Variants in RAPGEF1 observed in about 807,000 individuals in gnomAD.
RAPGEF1 encodes CRK SH3-binding GNRP.
In RAPGEF1, 33 loss-of-function variants were observed where a neutral mutation model predicts 143.3. The ratio of observed to expected loss-of-function variants is 0.23; its 90% CI spans 0.17 to 0.31. The LOEUF is 0.31. Ranked by LOEUF, RAPGEF1 falls within the 10% of genes least tolerant of loss-of-function variation. The pLI, the probability that RAPGEF1 is intolerant of heterozygous loss-of-function variation, is 1.00. For missense variants in RAPGEF1, 1,199 were observed against 1,645.4 expected, an observed-to-expected ratio of 0.73 and a Z score of 4.69; for synonymous variants, 629 against 676.5, an observed-to-expected ratio of 0.93 and a Z score of 1.09.
chr9:131,690,097 T>C (rs2131008346), intron 1 of RAPGEF1, among the ~76,000 whole-genome samples: 1 of 152,294 alleles, frequency 6.6e-6, no homozygotes, highest in African/African-American at 2.4e-5. Flanking sequence ...AGTGCTGATA[T>C]AAAACAGTTT....
chr9:131,596,089 G>A (rs1336745033), intron 17 of RAPGEF1, among the ~76,000 whole-genome samples: 2 of 152,184 alleles, frequency 1.3e-5, no homozygotes, highest in Admixed American at 6.5e-5. Context: ...TTGTACCAGC[G>A]GAGGACAGAT....
In RAPGEF1 at chr9:131,577,629, G is replaced by C. The variant is rs1951352714; in HGVS notation, c.*1868C>G. 6.6e-6 allele frequency: 1 copy of C among 152,292 alleles called. No homozygotes were observed. Among genetic ancestry groups the C allele is most frequent in the Non-Finnish European group, 1.5e-5 (1 of 68,082 alleles). 9.4% of individuals were successfully genotyped at this position (152,292 alleles called of 1,614,324 possible). A position where few individuals can be genotyped will look rare whatever the true frequency, so the allele number is the denominator to read the frequency against. ...CGCACAGCAGCATTCAACAGAGCTG[G>C]GCAAGGGAAGGGGAGAGAGAGTCAA... is the stretch of plus-strand genomic sequence containing the variant. On this transcript the variant is annotated 3_prime_UTR_variant, in exon 27 of 27. Transcript: ENST00000683357.
At chr9:131,730,694 T>C (rs1172867089) in intron 1 of RAPGEF1, among the ~76,000 whole-genome samples, 3 of 13,550 alleles carry the variant, frequency 2.2e-4, no homozygotes, top group Non-Finnish European at 4.0e-4. Context: ...TGAGACTCCA[T>C]CTCAAAAAAA....
At chr9:131,603,252 T>C (rs1027104435) in intron 14 of RAPGEF1, among the ~76,000 whole-genome samples, 1 of 152,220 alleles carries the variant, frequency 6.6e-6, no homozygotes, top group Non-Finnish European at 1.5e-5. Flanking sequence ...CCAGCCCTCA[T>C]GGGCCTCCCT....
At chr9:131,615,557 C>T (rs1369047643) in intron 12 of RAPGEF1, among the ~76,000 whole-genome samples, 1 of 152,164 alleles carries the variant, frequency 6.6e-6, no homozygotes, top group Non-Finnish European at 1.5e-5. Context: ...CAGTCGAGTC[C>T]AGGCCCGGCA....
intron 1 of RAPGEF1, among the ~76,000 whole-genome samples, chr9:131,739,172 A>C (rs759211238): frequency 6.6e-5 from 10 of 152,178 alleles, no homozygotes; most frequent in Non-Finnish European, 1.2e-4. Flanking sequence ...CGAGGTCTGC[A>C]TCAAGATTTA....
chr9:131,650,065 C>G lies in RAPGEF1; in HGVS notation c.315+64G>C. 1 of 1,361,226 alleles carries G rather than the reference C, an allele frequency of 7.3e-7. No homozygotes were observed. The highest frequency in any genetic ancestry group is 1.0e-6 in the Non-Finnish European group (1 of 976,666). 84.3% of individuals were successfully genotyped at this position (1,361,226 alleles called of 1,614,324 possible). A position where few individuals can be genotyped will look rare whatever the true frequency, so the allele number is the denominator to read the frequency against. ...AATAGAGTTTTTTCCATCCCCAAAA[C>G]CATGGACCAGGATTCTGCAGTAGAA... On this transcript the variant is annotated intron_variant, in intron 3 of 26. Transcript: ENST00000683357. This position sits in a 1 kb window ranked among gnomAD's most constrained non-coding sequence, Gnocchi z 4.7.
chr9:131,660,552 C>T (rs953612430), intron 1 of RAPGEF1, among the ~76,000 whole-genome samples: 1 of 152,078 alleles, frequency 6.6e-6, no homozygotes, highest in Non-Finnish European at 1.5e-5. Context: ...TGCAGTCAGG[C>T]CCCCGAATGA....
chr9:131,617,570 A>G (rs1001296115), intron 12 of RAPGEF1, among the ~76,000 whole-genome samples: 23 of 152,224 alleles, frequency 1.5e-4, no homozygotes, highest in African/African-American at 5.1e-4. Flanking sequence ...CAGAGGGGGA[A>G]AAAAGGCCAA....
chr9:131,580,135 A>G (rs895477624), intron 26 of RAPGEF1, 128 bp downstream of exon 26: 8 of 1,264,542 alleles, frequency 6.3e-6, no homozygotes, highest in Non-Finnish European at 8.7e-6. Context: ...GGCCCGGACT[A>G]TATCTCAGCA....
At chr9:131,603,048 C>T (rs753151547) in intron 14 of RAPGEF1, among the ~76,000 whole-genome samples, 1 of 152,234 alleles carries the variant, frequency 6.6e-6, no homozygotes, top group African/African-American at 2.4e-5. Context: ...GGAGACAGCT[C>T]CCATGGACTG....
At chr9:131,682,525 G>A (rs1328786218) in intron 1 of RAPGEF1, among the ~76,000 whole-genome samples, 2 of 152,198 alleles carry the variant, frequency 1.3e-5, no homozygotes, top group Non-Finnish European at 2.9e-5. Flanking sequence ...GGAAGGTCTA[G>A]TTTTAAGTTT....
At chr9:131,581,186 G>C (rs764419531) in intron 25 of RAPGEF1, among the ~76,000 whole-genome samples, 4 of 148,550 alleles carry the variant, frequency 2.7e-5, no homozygotes, top group Non-Finnish European at 6.0e-5. Context: ...AAAAAAAAAA[G>C]AGTTTGAAAC....
intron 1 of RAPGEF1, among the ~76,000 whole-genome samples, chr9:131,687,854 C>T (rs1386916710): frequency 6.6e-6 from 1 of 152,214 alleles, no homozygotes; most frequent in Non-Finnish European, 1.5e-5. Flanking sequence ...ATTAACCTGT[C>T]AATCTTGATA....
At chr9:131,711,516 C>T (rs1426807642) in intron 1 of RAPGEF1, among the ~76,000 whole-genome samples, 1 of 151,996 alleles carries the variant, frequency 6.6e-6, no homozygotes, top group African/African-American at 2.4e-5. Context: ...GCCACCACAC[C>T]CAGCTAATTT....
chr9:131,718,150 T>C (rs1217558475), intron 1 of RAPGEF1, among the ~76,000 whole-genome samples: 1 of 152,186 alleles, frequency 6.6e-6, no homozygotes, highest in Non-Finnish European at 1.5e-5. Flanking sequence ...GCAGGTGCCC[T>C]ACAATATCTG....
intron 1 of RAPGEF1, among the ~76,000 whole-genome samples, chr9:131,728,709 TC>T (rs2131321755): frequency 1.3e-5 from 2 of 152,318 alleles, no homozygotes; most frequent in African/African-American, 4.8e-5. Context: ...GTCAGGGACC[TC>T]CCCTTCTCTG....
intron 1 of RAPGEF1, among the ~76,000 whole-genome samples, chr9:131,652,654 G>A (rs1221699514): frequency 1.3e-5 from 2 of 152,036 alleles, no homozygotes; most frequent in African/African-American, 4.8e-5. Context: ...CCCACTGGAA[G>A]GTCTTCAGAG....
In RAPGEF1 at chr9:131,650,960, A is replaced by G; in HGVS notation, c.62-11T>C. The stretch of plus-strand genomic sequence containing the variant: ...GAGAACGCTGAGAGTCTGAAAACAA[A>G]GAGGGTACTGACTGTTAGATGGGAG... On this transcript the variant is annotated splice_polypyrimidine_tract_variant and intron_variant, in intron 1 of 26. Transcript: ENST00000683357. The surrounding 1 kb of genome is among the most constrained non-coding windows in gnomAD (Gnocchi z 4.7). The G allele has an allele frequency of 6.2e-7, 1 of 1,613,342 alleles. No individual in the cohort carries two copies. Among genetic ancestry groups the G allele is most frequent in the Non-Finnish European group, 8.5e-7 (1 of 1,179,498 alleles).
Sources: gnomAD v4.1 joint callset for allele counts (sites outside exome capture counted in the v4.1 genomes callset) on GRCh38, gnomAD v4.1.1 for gene constraint, Gnocchi (gnomAD v3.1) non-coding constraint, MANE v1.5 for transcripts, NCBI Gene and HGNC (gene_info 2026-07-23, HGNC 2026-07-21) for gene names.